ATG13: variants seen among roughly 807,000 people sequenced by gnomAD.
ATG13 encodes the protein autophagy-related protein 13.
A neutral mutation model predicts 65.5 loss-of-function variants in ATG13; 23 were observed. The observed-to-expected ratio is 0.35, with a 90% CI of 0.25 to 0.50. ATG13 has a LOEUF of 0.50. Among genes scored for constraint, ATG13 ranks in the 20% least tolerant of loss-of-function variants. The probability of loss-of-function intolerance (pLI) is 0.98; values close to 1 mark genes in which losing one functional copy is unlikely to be tolerated. For missense variants in ATG13, 566 were observed against 677.0 expected, an observed-to-expected ratio of 0.84 and a Z score of 1.82; for synonymous variants, 252 against 245.2, an observed-to-expected ratio of 1.03 and a Z score of -0.26.
Position 46,645,364 on chromosome 11 carries a change from G to A in ATG13, c.95G>A (p.Arg32Gln). 6.2e-7 allele frequency: 1 copy of A among 1,613,294 alleles called. No individual in the cohort carries two copies. Among genetic ancestry groups the A allele is most frequent in the Non-Finnish European group, 8.5e-7 (1 of 1,179,788 alleles). ...LKTVQVIVQA[R>Q]LGEKICTRSS... Reference sequence around the variant, plus strand: ...ACTGTCCAAGTGATTGTCCAGGCTCGGCTTGGTGAAAAGATTTGCACTCGT... The same window carrying A: ...ACTGTCCAAGTGATTGTCCAGGCTCAGCTTGGTGAAAAGATTTGCACTCGT... The change falls in exon 4 of 19, where the codon CGG becomes CAG. Residue 32 changes from arginine (R) to glutamine (Q), a missense_variant. By Grantham distance (43) the Arg-to-Gln change is conservative (BLOSUM62 1). Around this residue, in one of 2 missense-constraint regions of ATG13, gnomAD observed 179 missense variants for 267.2 expected, o/e 0.67. Coordinates refer to ENST00000683050, the MANE Select transcript of ATG13 (RefSeq NM_001346311.2).
chr11:46,636,307 C>T (rs2053930911), intron 2 of ATG13, among the ~76,000 whole-genome samples: 1 of 152,018 alleles, frequency 6.6e-6, no homozygotes, highest in Non-Finnish European at 1.5e-5. Flanking sequence ...CCTGTAATCC[C>T]AGCACTTTGG....
chr11:46,664,182 T>A, intron 12 of ATG13, 87 bp downstream of exon 12: 1 of 1,055,910 alleles, frequency 9.5e-7, no homozygotes, highest in Non-Finnish European at 1.4e-6. Context: ...TACAGTTATT[T>A]AAATGTCCCA....
At chr11:46,645,284 T>G in intron 3 of ATG13, 55 bp from the exon 4 acceptor site, 1 of 1,504,160 alleles carries the variant, frequency 6.6e-7, no homozygotes, top group South Asian at 1.2e-5. Context: ...GGAGCCAGAT[T>G]AGTCTAAGAC....
chr11:46,628,715 C>T (rs1217085253), intron 1 of ATG13, among the ~76,000 whole-genome samples: 3 of 152,122 alleles, frequency 2.0e-5, no homozygotes, highest in Admixed American at 1.3e-4. Context: ...ACAGTCTTCT[C>T]TACACAGCAA....
rs2064128115 is a variant in ATG13 at position 46,673,177 on chromosome 11, G to T, written c.*845G>T. The T allele has an allele frequency of 6.4e-6, 1 of 155,342 alleles. No individual in the cohort carries two copies. Among genetic ancestry groups the T allele is most frequent in the South Asian group, 1.9e-4 (1 of 5,226 alleles). 9.6% of individuals were successfully genotyped at this position (155,342 alleles called of 1,614,324 possible). ...ATTTTATAGAGGAAATATGTTTGAG[G>T]TGAGTTGTTTTTCACTTGGAGAAGG... On this transcript the variant is annotated 3_prime_UTR_variant, in exon 19 of 19. Transcript: ENST00000683050.
At chr11:46,651,362 G>C (rs1029128227) in intron 7 of ATG13, among the ~76,000 whole-genome samples, 2 of 152,192 alleles carry the variant, frequency 1.3e-5, no homozygotes, top group African/African-American at 4.8e-5. Context: ...GAGAATTTGA[G>C]CTGGTAAAAG....
intron 11 of ATG13, among the ~76,000 whole-genome samples, chr11:46,660,205 C>G (rs757296415): frequency 3.3e-5 from 5 of 152,146 alleles, no homozygotes; most frequent in Non-Finnish European, 7.3e-5. Context: ...CTCCAGATTC[C>G]TCTTCTGCCT....
chr11:46,645,285 A>T, intron 3 of ATG13, 54 bp from the exon 4 acceptor site: 1 of 1,502,142 alleles, frequency 6.7e-7, no homozygotes, highest in Non-Finnish European at 9.1e-7. Context: ...GAGCCAGATT[A>T]GTCTAAGACT....
chr11:46,618,609 T>C (rs2046163404), intron 1 of ATG13, among the ~76,000 whole-genome samples: 1 of 152,208 alleles, frequency 6.6e-6, no homozygotes, highest in African/African-American at 2.4e-5. Context: ...ATTGGACACC[T>C]TTAGTGGGAG....
At chr11:46,633,028 T>G (rs71452737) in intron 2 of ATG13, among the ~76,000 whole-genome samples, 5 of 60,800 alleles carry the variant, frequency 8.2e-5, no homozygotes, top group South Asian at 5.7e-4. Context: ...ATATATATAT[T>G]TTTTTTTTTT....
chr11:46,665,687 T>C (rs1197462532), intron 14 of ATG13, among the ~76,000 whole-genome samples, 168 bp downstream of exon 14: 5 of 150,098 alleles, frequency 3.3e-5, no homozygotes, highest in Non-Finnish European at 5.9e-5. Context: ...CTCACACCTA[T>C]AATCCCAGCA....
chr11:46,660,125 G>A (rs2060836160), intron 11 of ATG13: 1 of 152,210 alleles, frequency 6.6e-6, no homozygotes, highest in Non-Finnish European at 1.5e-5. Context: ...AGTCATTTTT[G>A]CAGCTGGCTG....
chr11:46,636,802 G>A (rs1591657656), intron 2 of ATG13, among the ~76,000 whole-genome samples: 1 of 151,718 alleles, frequency 6.6e-6, no homozygotes, highest in South Asian at 2.1e-4. Context: ...TTGAGGTGGA[G>A]TCTCATTCTG....
intron 5 of ATG13, among the ~76,000 whole-genome samples, chr11:46,648,509 T>G (rs1472346398): frequency 6.6e-6 from 1 of 151,684 alleles, no homozygotes; most frequent in African/African-American, 2.4e-5. Context: ...CCGGGCGCAG[T>G]GGCTTACGCC....
chr11:46,620,449 G>A (rs2047107017), intron 1 of ATG13, among the ~76,000 whole-genome samples: 1 of 151,828 alleles, frequency 6.6e-6, no homozygotes, highest in African/African-American at 2.4e-5. Context: ...ATAAGAGAAG[G>A]GATGAGAATG....
At chr11:46,620,348 GC>G (rs1350293428) in intron 1 of ATG13, among the ~76,000 whole-genome samples, 6 of 151,554 alleles carry the variant, frequency 4.0e-5, no homozygotes, top group Non-Finnish European at 7.4e-5. Context: ...ACCCGCCCTG[GC>G]CTCCCAAAGT....
chr11:46,649,210 G>A (rs370531802), intron 6 of ATG13, 27 bp downstream of exon 6: 3 of 1,605,380 alleles, frequency 1.9e-6, no homozygotes, highest in Non-Finnish European at 2.6e-6. Flanking sequence ...AGGGTCCTTG[G>A]TTGTGGTTGC....
At chr11:46,632,442 A>G (rs2052122080) in intron 2 of ATG13, 1 of 152,210 alleles carries the variant, frequency 6.6e-6, no homozygotes, top group South Asian at 2.1e-4. Context: ...AGTAAATGAG[A>G]GACTAGAATG....
intron 2 of ATG13, among the ~76,000 whole-genome samples, chr11:46,633,003 A>AATATATAT (rs1184181156): frequency 7.9e-5 from 7 of 89,148 alleles, no homozygotes; most frequent in African/African-American, 2.9e-4. Context: ...ATTAAAAAAA[A>AATATATAT]ATATATATAT....
Sources: gnomAD v4.1 joint callset for allele counts (sites outside exome capture counted in the v4.1 genomes callset) on GRCh38, gnomAD v4.1.1 for gene constraint, gnomAD v4.1.1 regional missense constraint, MANE v1.5 for transcripts, NCBI Gene and HGNC (gene_info 2026-07-23, HGNC 2026-07-21) for gene names.